Variants in OMA1 observed in about 807,000 individuals in gnomAD.
The protein encoded by OMA1 is OMA1 zinc metallopeptidase.
A neutral mutation model predicts 30.9 loss-of-function variants in OMA1; 38 were observed. The ratio of observed to expected loss-of-function variants is 1.23; its 90% CI spans 0.95 to 1.61. The LOEUF (loss-of-function observed/expected upper bound fraction) is 1.61. Among genes scored for constraint, OMA1 ranks in the 40% most tolerant of loss-of-function variants. OMA1 has a pLI of 0.00. For missense variants in OMA1, 461 were observed against 349.2 expected, an observed-to-expected ratio of 1.32 and a Z score of -2.55; for synonymous variants, 173 against 121.9, an observed-to-expected ratio of 1.42 and a Z score of -2.76.
chr1:58,490,483 G>C (rs887066369), intron 8 of OMA1, among the ~76,000 whole-genome samples: 6 of 152,230 alleles, frequency 3.9e-5, no homozygotes, highest in African/African-American at 1.4e-4. Flanking sequence ...ACCTGAAAGT[G>C]ACAGGGAGAA....
At chr1:58,483,660 C>T (rs181574426) in intron 8 of OMA1, among the ~76,000 whole-genome samples, 1 of 152,184 alleles carries the variant, frequency 6.6e-6, no homozygotes, top group Non-Finnish European at 1.5e-5. Flanking sequence ...ATAGCACTTA[C>T]AGCACTTAAG....
chr1:58,527,253 C>T lies in OMA1; in HGVS notation c.1215+8G>A. On this transcript the variant is annotated splice_region_variant and intron_variant, in intron 7 of 8. Transcript: ENST00000371226. ...GCATTATGTATTCTCAACTACTAAA[C>T]ACTTTACCTTTGCAGCAAGCAGTAG... 1 of 872,132 alleles carries T rather than the reference C, an allele frequency of 1.1e-6. No individual in the cohort carries two copies. Among genetic ancestry groups the T allele is most frequent in the Non-Finnish European group, 2.0e-6 (1 of 501,108 alleles). The allele number at this position is 872,132 out of a possible 1,614,324, so 54.0% of individuals were successfully genotyped here.
chr1:58,490,239 G>A (rs981895598), intron 8 of OMA1, among the ~76,000 whole-genome samples: 3 of 152,194 alleles, frequency 2.0e-5, no homozygotes, highest in East Asian at 3.8e-4. Flanking sequence ...ATGCAGAGAA[G>A]TCCTTAAAGG....
At position 58,487,513 on chromosome 1, in the gene OMA1, A is replaced by T. The variant is rs552024870; in HGVS notation, c.1366-6339T>A. On this transcript the variant is annotated intron_variant, in intron 8 of 8. Coordinates refer to ENST00000371226, the MANE Select transcript of OMA1 (RefSeq NM_145243.5). Reference sequence around the variant, plus strand: ...GAAACTTAATAACATACCTTTCTACATTTTGAAGGTAGAACTAATTAGTAA... The same window carrying T: ...GAAACTTAATAACATACCTTTCTACTTTTTGAAGGTAGAACTAATTAGTAA... 9.2e-5 allele frequency among the ~76,000 whole-genome samples: 14 copies of T among 152,334 alleles called. No homozygotes were observed. In the South Asian group the frequency reaches 2.1e-3, roughly 23 times the overall value.
chr1:58,533,700 A>G (rs1646472301), intron 5 of OMA1, among the ~76,000 whole-genome samples: 1 of 152,192 alleles, frequency 6.6e-6, no homozygotes, highest in African/African-American at 2.4e-5. Flanking sequence ...GAGAATAATT[A>G]CGTTTTAGCA....
intron 8 of OMA1, among the ~76,000 whole-genome samples, chr1:58,498,668 A>G (rs1645846054): frequency 1.3e-5 from 2 of 152,210 alleles, no homozygotes; most frequent in Admixed American, 6.5e-5. Context: ...CTTCTTGCCT[A>G]TATAACTATG....
intron 8 of OMA1, among the ~76,000 whole-genome samples, chr1:58,482,734 A>C (rs2100352002): frequency 6.6e-6 from 1 of 152,290 alleles, no homozygotes; most frequent in East Asian, 1.9e-4. Flanking sequence ...CCATGTGGCA[A>C]CCTAGGGAAA....
intron 7 of OMA1, among the ~76,000 whole-genome samples, chr1:58,523,621 C>T (rs1378420676): frequency 6.6e-6 from 1 of 152,016 alleles, no homozygotes; most frequent in African/African-American, 2.4e-5. Context: ...CAGTCCTGGC[C>T]GGGCGCAGTG....
intron 8 of OMA1, among the ~76,000 whole-genome samples, chr1:58,499,549 G>A (rs1306806759): frequency 7.0e-6 from 1 of 143,570 alleles, no homozygotes; most frequent in African/African-American, 2.6e-5. Context: ...TAAACTTTCA[G>A]TCAGGAAAAG....
chr1:58,487,672 C>T (rs77306036), intron 8 of OMA1, among the ~76,000 whole-genome samples: 2,531 of 151,998 alleles, frequency 0.017, 55 homozygotes, highest in East Asian at 0.12. Context: ...TTATTTATAC[C>T]TTACTTCTTT....
chr1:58,518,354 G>A (rs147589561), intron 7 of OMA1, among the ~76,000 whole-genome samples: 5,723 of 31,692 alleles, frequency 0.18, 1,329 homozygotes, highest in East Asian at 0.56. Flanking sequence ...AGAAGAGAAG[G>A]GAAGGGAAGA....
At chr1:58,491,317 A>C (rs1645684542) in intron 8 of OMA1, among the ~76,000 whole-genome samples, 1 of 152,218 alleles carries the variant, frequency 6.6e-6, no homozygotes, top group African/African-American at 2.4e-5. Flanking sequence ...AACATGCCAA[A>C]TTGTAAAGAC....
At chr1:58,509,303 G>C (rs749842724) in intron 7 of OMA1, among the ~76,000 whole-genome samples, 1 of 151,440 alleles carries the variant, frequency 6.6e-6, no homozygotes, top group South Asian at 2.1e-4. Flanking sequence ...AACAATGTAC[G>C]AACAAAGTGA....
Position 58,501,628 on chromosome 1 carries a change from T to C in OMA1, c.1365+4432A>G, listed in dbSNP as rs1367955950. Among the ~76,000 whole-genome samples the C allele has an allele frequency of 2.0e-5, 3 of 152,200 alleles. No homozygotes were observed. The East Asian group carries it at 5.8e-4, about 29-fold the overall frequency. On this transcript the variant is annotated intron_variant, in intron 8 of 8. Coordinates refer to ENST00000371226, the MANE Select transcript of OMA1 (RefSeq NM_145243.5). ...GCCTGGTTCCTTCACTTATTTCAAA[T>C]CTGTGTTCAAGTGTCAGCTTCTCAA...
At chr1:58,544,904 A>AT (rs1646676796) in intron 1 of OMA1, among the ~76,000 whole-genome samples, 1 of 152,038 alleles carries the variant, frequency 6.6e-6, no homozygotes, top group Non-Finnish European at 1.5e-5. Context: ...AGCCCAGCTA[A>AT]TTTTTTAATT....
intron 7 of OMA1, among the ~76,000 whole-genome samples, chr1:58,523,458 T>C (rs1212738900): frequency 6.6e-6 from 1 of 152,206 alleles, no homozygotes; most frequent in African/African-American, 2.4e-5. Context: ...AAGTACCCTG[T>C]TGTACTGAGC....
At chr1:58,545,604 T>A (rs566542691) in intron 1 of OMA1, among the ~76,000 whole-genome samples, 1 of 152,314 alleles carries the variant, frequency 6.6e-6, no homozygotes, top group South Asian at 2.1e-4. Flanking sequence ...AAATTAATGA[T>A]GTGAGAAAAT....
chr1:58,539,254 T>C lies in OMA1; in HGVS notation c.41A>G (p.His14Arg). 1 of 869,334 alleles carries C rather than the reference T, an allele frequency of 1.2e-6. No individual in the cohort carries two copies. Among genetic ancestry groups the C allele is most frequent in the East Asian group, 2.4e-5 (1 of 41,686 alleles). The allele number at this position is 869,334 out of a possible 1,614,324, so 53.9% of individuals were successfully genotyped here. ...CAGTGAATTAAATCGGAAGAAAACA[T>C]GGTTTCTAGCAGCAGACTGCAATCC... ...ICGLQSAARN[H>R]VFFRFNSLSN... Residue 14 changes from histidine to arginine, a missense_variant, in exon 2 of 9, where the codon CAT (histidine) becomes CGT (arginine). Physicochemically the swap from His to Arg is conservative, Grantham distance 29. Coordinates refer to ENST00000371226, the MANE Select transcript of OMA1 (RefSeq NM_145243.5).
At chr1:58,502,199 G>A (rs1645918244) in intron 8 of OMA1, among the ~76,000 whole-genome samples, 1 of 152,174 alleles carries the variant, frequency 6.6e-6, no homozygotes, top group Admixed American at 6.5e-5. Context: ...ATAAGCTAAA[G>A]TTTAAAAATC....
Sources: gnomAD v4.1 joint callset for allele counts (sites outside exome capture counted in the v4.1 genomes callset) on GRCh38, gnomAD v4.1.1 for gene constraint, MANE v1.5 for transcripts, NCBI Gene and HGNC (gene_info 2026-07-23, HGNC 2026-07-21) for gene names.